Variants in CDC42BPA observed in about 807,000 individuals in gnomAD.
CDC42BPA encodes the protein serine/threonine-protein kinase MRCK alpha.
A neutral mutation model predicts 223.5 loss-of-function variants in CDC42BPA; 80 were observed. The observed-to-expected ratio is 0.36, with a 90% confidence interval of 0.30 to 0.43. The LOEUF (loss-of-function observed/expected upper bound fraction) is 0.43. Among genes scored for constraint, CDC42BPA ranks in the 20% least tolerant of loss-of-function variants. The pLI, the probability that CDC42BPA is intolerant of heterozygous loss-of-function variation, is 1.00. For missense variants in CDC42BPA, 1,743 were observed against 2,099.9 expected (o/e 0.83, Z 3.32); for synonymous variants, 694 against 718.6 (o/e 0.97, Z 0.55).
intron 31 of CDC42BPA, among the ~76,000 whole-genome samples, chr1:227,025,042 A>G (rs1668010528): frequency 6.6e-6 from 1 of 152,210 alleles, no homozygotes; most frequent in African/African-American, 2.4e-5. Context: ...AAGAAGTTCG[A>G]GGCCAGCCTG....
chr1:227,290,482 T>G (rs1348706638), intron 1 of CDC42BPA, among the ~76,000 whole-genome samples: 1 of 152,136 alleles, frequency 6.6e-6, no homozygotes. Context: ...AATCTTCTCT[T>G]AATGACACCT....
intron 20 of CDC42BPA, 126 bp downstream of exon 20, chr1:227,072,082 A>G (rs1678504083): frequency 3.5e-6 from 2 of 568,326 alleles, no homozygotes; most frequent in Admixed American, 3.2e-5. Flanking sequence ...GTATATTCAT[A>G]AATGAGTGCC....
At chr1:227,169,939 T>C (rs1665793136) in intron 5 of CDC42BPA, among the ~76,000 whole-genome samples, 1 of 152,188 alleles carries the variant, frequency 6.6e-6, no homozygotes, top group African/African-American at 2.4e-5. Context: ...GCCAATCCTA[T>C]TTCTAATTAA....
At chr1:227,178,937 G>A (rs1305964674) in intron 5 of CDC42BPA, among the ~76,000 whole-genome samples, 1 of 152,150 alleles carries the variant, frequency 6.6e-6, no homozygotes, top group Non-Finnish European at 1.5e-5. Flanking sequence ...GTACACTTTT[G>A]GTTCTTTCTC....
chr1:227,120,741 A>T (rs1457888376), intron 11 of CDC42BPA, among the ~76,000 whole-genome samples: 1 of 152,222 alleles, frequency 6.6e-6, no homozygotes, highest in African/African-American at 2.4e-5. Flanking sequence ...AGAGAAATCT[A>T]AACAACACTC....
intron 5 of CDC42BPA, among the ~76,000 whole-genome samples, chr1:227,176,512 C>T (rs1666988064): frequency 6.6e-6 from 1 of 152,164 alleles, no homozygotes; most frequent in African/African-American, 2.4e-5. Flanking sequence ...TCCCAATTAT[C>T]ACTACCTACT....
chr1:227,225,864 A>C (rs1016124667), intron 2 of CDC42BPA, among the ~76,000 whole-genome samples: 1 of 152,224 alleles, frequency 6.6e-6, no homozygotes, highest in Non-Finnish European at 1.5e-5. Flanking sequence ...AAAGTATCTG[A>C]AGGAACTGTA....
intron 22 of CDC42BPA, among the ~76,000 whole-genome samples, chr1:227,051,073 C>T (rs557640826): frequency 2.6e-4 from 39 of 152,258 alleles, no homozygotes; most frequent in African/African-American, 8.9e-4. Flanking sequence ...TTGGGGGAGT[C>T]TGTCACAGAG....
At chr1:227,277,016 T>A (rs1687205934) in intron 1 of CDC42BPA, among the ~76,000 whole-genome samples, 1 of 151,116 alleles carries the variant, frequency 6.6e-6, no homozygotes, top group South Asian at 2.1e-4. Context: ...CCCTCCACTA[T>A]TGTCCTATGA....
At position 227,112,663 on chromosome 1, in the gene CDC42BPA, C is replaced by T. The variant is rs763580195; in HGVS notation, c.1890+8G>A. 69 of 1,612,942 alleles carry T rather than the reference C, an allele frequency of 4.3e-5. No individual in the cohort carries two copies. The highest frequency in any genetic ancestry group is 5.7e-5 in the Non-Finnish European group (67 of 1,179,666). ...CATGGGCACTACAAAATTTGCCTGACTACTAACCTCTTTTTTGGCTCTTTC... is the reference window on the plus strand; with the variant it reads ...CATGGGCACTACAAAATTTGCCTGATTACTAACCTCTTTTTTGGCTCTTTC... On this transcript the variant is annotated splice_region_variant and intron_variant, in intron 13 of 36. Coordinates refer to ENST00000366766, the MANE Select transcript of CDC42BPA (RefSeq NM_001394014.1).
intron 16 of CDC42BPA, among the ~76,000 whole-genome samples, chr1:227,083,171 G>C (rs1422254342): frequency 1.3e-5 from 2 of 152,098 alleles, no homozygotes; most frequent in African/African-American, 4.8e-5. Flanking sequence ...TGCCTTTTGG[G>C]AAACCAATTA....
chr1:227,064,660 G>A (rs1194647446), intron 21 of CDC42BPA, among the ~76,000 whole-genome samples: 2 of 152,140 alleles, frequency 1.3e-5, no homozygotes, highest in Non-Finnish European at 2.9e-5. Context: ...CACGGTTGAA[G>A]GAAAAGATGA....
At chr1:227,216,075 A>G (rs1298906909) in intron 2 of CDC42BPA, among the ~76,000 whole-genome samples, 1 of 152,202 alleles carries the variant, frequency 6.6e-6, no homozygotes, top group Non-Finnish European at 1.5e-5. Context: ...ATAATGTTAA[A>G]CAAATAAGTT....
intron 23 of CDC42BPA, among the ~76,000 whole-genome samples, chr1:227,047,578 G>A (rs565353020): frequency 2.1e-4 from 32 of 151,314 alleles, no homozygotes; most frequent in South Asian, 1.2e-3. Flanking sequence ...AAGTCCACCT[G>A]AATTTTTCAC....
intron 15 of CDC42BPA, among the ~76,000 whole-genome samples, chr1:227,097,025 A>G (rs1684130705): frequency 6.6e-6 from 1 of 152,166 alleles, no homozygotes; most frequent in Non-Finnish European, 1.5e-5. Context: ...GATAGGTTAA[A>G]AAAAACAAAA....
intron 1 of CDC42BPA, among the ~76,000 whole-genome samples, chr1:227,268,097 TAAAAG>T (rs1361857080): frequency 1.3e-5 from 2 of 152,334 alleles, no homozygotes; most frequent in African/African-American, 4.8e-5. Context: ...AAGTTCACCT[TAAAAG>T]AAAGCCTAAT....
chr1:227,191,788 T>C (rs545387158), intron 5 of CDC42BPA, among the ~76,000 whole-genome samples: 5 of 152,244 alleles, frequency 3.3e-5, no homozygotes, highest in African/African-American at 7.2e-5. Flanking sequence ...TCGTTTCTCA[T>C]TCTATAACTG....
At chr1:227,048,753 G>GAA (rs34655609) in intron 22 of CDC42BPA, among the ~76,000 whole-genome samples, 5,302 of 112,430 alleles carry the variant, frequency 0.047, 215 homozygotes, top group African/African-American at 0.092. Context: ...AAAGTAGTGA[G>GAA]AAAAAAAAAA....
intron 10 of CDC42BPA, 106 bp from the exon 11 acceptor site, chr1:227,129,337 C>T: frequency 1.2e-6 from 1 of 826,666 alleles, no homozygotes; most frequent in Admixed American, 3.2e-5. Flanking sequence ...TTTTATAGAA[C>T]AAAACATCTA....
Sources: allele counts gnomAD v4.1 joint callset (sites outside exome capture counted in the v4.1 genomes callset), GRCh38; gene constraint gnomAD v4.1.1; transcripts MANE v1.5; gene names NCBI Gene and HGNC (gene_info 2026-07-23, HGNC 2026-07-21).